Variants in APBB2 observed in about 807,000 individuals in gnomAD.
APBB2 encodes Fe65-like 1.
Under a neutral mutation model 82.5 loss-of-function variants are expected in APBB2, and 38 were observed. The ratio of observed to expected loss-of-function variants is 0.46; its 90% CI spans 0.36 to 0.60. The LOEUF (loss-of-function observed/expected upper bound fraction) is 0.60. Among genes scored for constraint, APBB2 ranks in the 20% least tolerant of loss-of-function variants. APBB2 has a pLI of 0.00. For synonymous variants in APBB2, 341 were observed against 368.2 expected, an observed-to-expected ratio of 0.93 and a Z score of 0.85; for missense variants, 772 against 972.3, an observed-to-expected ratio of 0.79 and a Z score of 2.74.
intron 10 of APBB2, among the ~76,000 whole-genome samples, chr4:40,930,452 CGCGCGCGCGCGCGCGTGCGCGT>C (rs1394525029): frequency 4.4e-5 from 3 of 68,500 alleles, no homozygotes; most frequent in Non-Finnish European, 8.5e-5. Context: ...TGTGTGTGCG[CGCGCGCGCGCGCGCGTGCGCGT>C]GCGCGTATGC....
rs1491223078 is a variant in APBB2, at chr4:40,991,010, C to CTTTTTTTTTTTTTTTTTTTTTTTTTTTTT, written c.835+22572_835+22573insAAAAAAAAAAAAAAAAAAAAAAAAAAAAA. On this transcript the variant is annotated intron_variant, in intron 6 of 17. Transcript: ENST00000508593. ...TTTCTGGTCATTTTGGACTGAGTTT[C>CTTTTTTTTTTTTTTTTTTTTTTTTTTTTT]ATTTTTTTTTTTTTTGGAGGCAAGG... is the stretch of plus-strand genomic sequence containing the variant. Among the ~76,000 whole-genome samples the CTTTTTTTTTTTTTTTTTTTTTTTTTTTTT allele has an allele frequency of 2.3e-5, 3 of 128,652 alleles. 1 individual carries two copies. The highest frequency in any genetic ancestry group is 1.6e-5 in the Non-Finnish European group (1 of 60,742). 84.4% of individuals were successfully genotyped at this position (128,652 alleles called of 152,430 possible).
chr4:41,027,642 G>T (rs62412141), intron 5 of APBB2, among the ~76,000 whole-genome samples: 6,950 of 151,930 alleles, frequency 0.046, 337 homozygotes, highest in African/African-American at 0.12. Context: ...CATGTAATAA[G>T]ACTCAATAAA....
intron 6 of APBB2, among the ~76,000 whole-genome samples, chr4:40,979,373 T>C (rs754302882): frequency 3.3e-5 from 5 of 152,202 alleles, no homozygotes; most frequent in Admixed American, 6.5e-5. Context: ...CCCCCAACTA[T>C]AGGCAAGACC....
chr4:41,175,532 T>C (rs2154057191), intron 1 of APBB2, among the ~76,000 whole-genome samples: 2 of 152,298 alleles, frequency 1.3e-5, no homozygotes, highest in Middle Eastern at 3.4e-3. Flanking sequence ...GATTAAAAAG[T>C]AGTGATCTGC....
At chr4:40,875,842 C>A (rs1766752286) in intron 12 of APBB2, among the ~76,000 whole-genome samples, 1 of 151,972 alleles carries the variant, frequency 6.6e-6, no homozygotes, top group Non-Finnish European at 1.5e-5. Context: ...GATTTCATTG[C>A]CAGTAGAACA....
At chr4:40,964,038 G>A (rs28540918) in intron 6 of APBB2, among the ~76,000 whole-genome samples, 25,727 of 152,158 alleles carry the variant, frequency 0.17, 2,734 homozygotes, top group East Asian at 0.45. Flanking sequence ...GTTTCATCAT[G>A]AATTTTCCAT....
At chr4:41,205,763 T>G (rs1372590961) in intron 1 of APBB2, among the ~76,000 whole-genome samples, 2 of 152,238 alleles carry the variant, frequency 1.3e-5, no homozygotes, top group Non-Finnish European at 2.9e-5. Flanking sequence ...TATTGTTCTC[T>G]GCCCTTATAC....
intron 1 of APBB2, among the ~76,000 whole-genome samples, chr4:41,187,633 T>A (rs1300446359): frequency 6.6e-6 from 1 of 152,240 alleles, no homozygotes; most frequent in Non-Finnish European, 1.5e-5. Context: ...TTGAACATGG[T>A]CATTGTAAGA....
chr4:41,035,121 T>C (rs923257041), intron 4 of APBB2, among the ~76,000 whole-genome samples: 4 of 152,226 alleles, frequency 2.6e-5, no homozygotes, highest in Non-Finnish European at 5.9e-5. Flanking sequence ...TCTATATGCG[T>C]AATGCACTTC....
intron 4 of APBB2, among the ~76,000 whole-genome samples, chr4:41,061,436 G>A (rs577247752): frequency 2.6e-5 from 4 of 152,198 alleles, no homozygotes; most frequent in Admixed American, 2.6e-4. Context: ...AGATGGCAGA[G>A]CCTAGTGTTC....
chr4:40,848,344 G>C (rs951852530), intron 12 of APBB2, among the ~76,000 whole-genome samples: 4 of 152,222 alleles, frequency 2.6e-5, no homozygotes, highest in Admixed American at 1.3e-4. Context: ...TTTTACAAAT[G>C]AGGAATTGAA....
chr4:40,820,125 T>C (rs1012156084), intron 17 of APBB2, among the ~76,000 whole-genome samples: 2 of 152,228 alleles, frequency 1.3e-5, no homozygotes, highest in Non-Finnish European at 2.9e-5. Flanking sequence ...AGCCCGTAAG[T>C]GCGAGGCTGA....
At chr4:41,065,535 T>G (rs1387115899) in intron 4 of APBB2, 41 bp downstream of exon 4, 1 of 151,976 alleles carries the variant, frequency 6.6e-6, no homozygotes, top group Non-Finnish European at 1.5e-5. Flanking sequence ...CAATGAAAAT[T>G]AAAGAGAAAA....
chr4:40,934,992 T>G, intron 8 of APBB2, 85 bp downstream of exon 8: 1 of 1,127,930 alleles, frequency 8.9e-7, no homozygotes, highest in Non-Finnish European at 1.3e-6. Context: ...GAATGCATGA[T>G]ATTCACAAAG....
chr4:40,877,337 T>G (rs1767186068), intron 12 of APBB2, among the ~76,000 whole-genome samples: 1 of 152,092 alleles, frequency 6.6e-6, no homozygotes, highest in Non-Finnish European at 1.5e-5. Flanking sequence ...TGGCACGTGG[T>G]TAGGAAAGAG....
chr4:40,865,436 C>T (rs1350833040), intron 12 of APBB2, among the ~76,000 whole-genome samples: 1 of 152,190 alleles, frequency 6.6e-6, no homozygotes, highest in Non-Finnish European at 1.5e-5. Flanking sequence ...GGAGTGAAGA[C>T]AAGAGAAGTT....
chr4:40,991,011 A>ATTTTTTTTTTTTTT (rs796337000), intron 6 of APBB2, among the ~76,000 whole-genome samples: 9 of 134,840 alleles, frequency 6.7e-5, no homozygotes, highest in Non-Finnish European at 1.1e-4. Flanking sequence ...ACTGAGTTTC[A>ATTTTTTTTTTTTTT]TTTTTTTTTT....
chr4:41,062,150 A>T (rs1217859345), intron 4 of APBB2, among the ~76,000 whole-genome samples: 1 of 131,498 alleles, frequency 7.6e-6, no homozygotes, highest in Non-Finnish European at 1.6e-5. Flanking sequence ...GGTTTCAACA[A>T]GCAAATCTTA....
chr4:41,067,813 G>A (rs917095218), intron 3 of APBB2, among the ~76,000 whole-genome samples: 4 of 152,190 alleles, frequency 2.6e-5, no homozygotes, highest in African/African-American at 4.8e-5. Flanking sequence ...GTGAAGTGGT[G>A]GAGGCAGAGA....
Sources: gnomAD v4.1 joint callset for allele counts (sites outside exome capture counted in the v4.1 genomes callset) on GRCh38, gnomAD v4.1.1 for gene constraint, MANE v1.5 for transcripts, NCBI Gene and HGNC (gene_info 2026-07-23, HGNC 2026-07-21) for gene names.